The following DMBT1 variants were observed in gnomAD, a reference collection of about 807,000 sequenced individuals.
DMBT1 encodes scavenger receptor cysteine-rich domain-containing protein DMBT1.
DMBT1 carries 198 observed loss-of-function variants against 252.9 expected under a neutral mutation model. The observed-to-expected ratio is 0.78, with a 90% CI of 0.70 to 0.88. DMBT1 has a LOEUF of 0.88. DMBT1 is among the 40% of genes least tolerant of loss of function. DMBT1 has a pLI of 0.00. For missense variants in DMBT1, 2,432 were observed against 2,404.7 expected (o/e 1.01, Z -0.24); for synonymous variants, 990 against 942.7 (o/e 1.05, Z -0.92).
At chr10:122,628,550 C>T (rs573420176) in intron 46 of DMBT1, among the ~76,000 whole-genome samples, 4 of 152,232 alleles carry the variant, frequency 2.6e-5, no homozygotes, top group East Asian at 3.9e-4. Flanking sequence ...GCAGGAGAAT[C>T]GCTTGAACCC....
chr10:122,622,274 T>C (rs1591494687), intron 44 of DMBT1, among the ~76,000 whole-genome samples: 2 of 152,334 alleles, frequency 1.3e-5, no homozygotes, highest in Admixed American at 6.5e-5. Context: ...GGCCGCTCCC[T>C]ACCTCAATCA....
At chr10:122,580,202 G>A (rs1021592879) in intron 10 of DMBT1, among the ~76,000 whole-genome samples, 2 of 152,152 alleles carry the variant, frequency 1.3e-5, no homozygotes, top group East Asian at 1.9e-4. Flanking sequence ...TGAGTAGCAC[G>A]GTGTGAGGGT....
intron 2 of DMBT1, among the ~76,000 whole-genome samples, chr10:122,569,024 A>G (rs1223663433): frequency 4.6e-5 from 7 of 152,192 alleles, no homozygotes; most frequent in South Asian, 4.1e-4. Flanking sequence ...GCAGTAAGTC[A>G]TGTCTTAATT....
chr10:122,631,046 G>A lies in DMBT1; in HGVS notation c.6111G>A (p.Gly2037=), dbSNP rs2098160969. The change falls in exon 49 of 56, where the codon GGG becomes GGA. Residue 2037 remains glycine (G), a synonymous_variant. Coordinates refer to ENST00000338354, the MANE Select transcript of DMBT1 (RefSeq NM_001377530.1). ...AAATTTACCATGGTGGCACCTGGGG[G>A]ACAGTTTGTGATGACTCCTGGACCA... ...RVEIYHGGTW[G]TVCDDSWTIQ... 3.1e-6 allele frequency: 5 copies of A among 1,613,670 alleles called. No individual in the cohort carries two copies. In the African/African-American group the frequency reaches 4.0e-5, roughly 13 times the overall value.
Position 122,598,999 on chromosome 10 carries a change from G to A in DMBT1, c.3182G>A (p.Arg1061His), listed in dbSNP as rs773151482. The change falls in exon 26 of 56, where the codon CGC becomes CAC. Residue 1061 changes from arginine (R) to histidine (H), a missense_variant. By Grantham distance (29) the Arg-to-His change is conservative (BLOSUM62 0). This residue lies in a region of DMBT1 where 1,264 missense variants were observed against 1,082.2 expected (regional missense o/e 1.17). Transcript: ENST00000338354. ...GSGPIVLDDV[R>H]CSGHESYLWS... ...GGACCCATTGTCCTGGATGATGTGC[G>A]CTGCTCAGGACACGAGTCTTACCTG... The A allele has an allele frequency of 1.1e-5, 18 of 1,613,626 alleles. No homozygotes were observed. The South Asian group carries it at 1.2e-4, about 11-fold the overall frequency.
intron 26 of DMBT1, 149 bp downstream of exon 26, chr10:122,599,246 T>G (rs1002761305): frequency 2.7e-6 from 4 of 1,454,692 alleles, no homozygotes; most frequent in Non-Finnish European, 1.8e-6. Flanking sequence ...AGAATCCCTA[T>G]GTACTCACTG....
chr10:122,563,391 T>G lies in DMBT1; in HGVS notation c.61+2560T>G, dbSNP rs529044639. 2.0e-5 allele frequency among the ~76,000 whole-genome samples: 3 copies of G among 152,306 alleles called. No individual in the cohort carries two copies. The East Asian group carries it at 5.8e-4, about 29-fold the overall frequency. On this transcript the variant is annotated intron_variant, in intron 1 of 55. Coordinates refer to ENST00000338354, the MANE Select transcript of DMBT1 (RefSeq NM_001377530.1). ...TCCAAAAGCAGCTTCCTAAAAGTAA[T>G]GTGAGCTCTTGGATTGGATCCTGCA...
intron 25 of DMBT1, 29 bp from the exon 26 acceptor site, chr10:122,598,745 G>A: frequency 6.2e-7 from 1 of 1,612,446 alleles, no homozygotes; most frequent in Non-Finnish European, 8.5e-7. Context: ...TGATAGGGAT[G>A]GATGAAGGAT....
Position 122,643,350 on chromosome 10 carries a change from T to C in DMBT1, c.7581T>C (p.Gly2527=). ...AGGAAAAGGTGGACGTCGTCCTGGGTCCCATCCAGCTGCAGACCCCCCCAC... is the reference window on the plus strand; with the variant it reads ...AGGAAAAGGTGGACGTCGTCCTGGGCCCCATCCAGCTGCAGACCCCCCCAC... ...SYQEKVDVVL[G]PIQLQTPPRR... The change falls in exon 56 of 56, where the codon GGT becomes GGC. Residue 2527 remains glycine (G), a synonymous_variant. Transcript: ENST00000338354. The C allele has an allele frequency of 6.2e-7, 1 of 1,613,776 alleles. No homozygotes were observed. The highest frequency in any genetic ancestry group is 8.5e-7 in the Non-Finnish European group (1 of 1,179,842).
Position 122,579,703 on chromosome 10 carries a change from A to G in DMBT1, c.805A>G (p.Asn269Asp). 6.2e-7 allele frequency: 1 copy of G among 1,613,882 alleles called. No homozygotes were observed. The highest frequency in any genetic ancestry group is 8.5e-7 in the Non-Finnish European group (1 of 1,179,814). ...TGACTACTGGGACACCAATGATGCCAATGTGGTCTGCAGGCAGCTGGGCTG... is the reference window on the plus strand; with the variant it reads ...TGACTACTGGGACACCAATGATGCCGATGTGGTCTGCAGGCAGCTGGGCTG... ...CDDYWDTNDA[N>D]VVCRQLGCGW... Residue 269 changes from asparagine to aspartate, a missense_variant, in exon 10 of 56, where the codon AAT becomes GAT. Coordinates refer to ENST00000338354, the MANE Select transcript of DMBT1 (RefSeq NM_001377530.1).
rs752757485 is a variant in DMBT1, at chr10:122,636,183, C to G, written c.6741C>G (p.Pro2247=). Reference sequence around the variant, plus strand: ...TCCGGGCTGAGTACTACTCCAGTCCCTCCAATGACAGCACCAGTAAGTCCC... The same window carrying G: ...TCCGGGCTGAGTACTACTCCAGTCCGTCCAATGACAGCACCAGTAAGTCCC... ...RGFRAEYYSS[P]SNDSTNLLCL... Residue 2247 remains proline (P), a synonymous_variant, in exon 53 of 56, where the codon CCC becomes CCG. Coordinates refer to ENST00000338354, the MANE Select transcript of DMBT1 (RefSeq NM_001377530.1). 1 of 1,613,576 alleles carries G rather than the reference C, an allele frequency of 6.2e-7. No individual in the cohort carries two copies. The highest frequency in any genetic ancestry group is 1.7e-5 in the Admixed American group (1 of 60,004).
chr10:122,620,367 T>G (rs757097854), intron 43 of DMBT1, 76 bp downstream of exon 43: 1 of 1,549,226 alleles, frequency 6.5e-7, no homozygotes, highest in Admixed American at 1.7e-5. Context: ...AATGAAAGAA[T>G]GAGGCTCAAG....
At chr10:122,562,324 C>A (rs7096126) in intron 1 of DMBT1, among the ~76,000 whole-genome samples, 101,852 of 151,930 alleles carry the variant, frequency 0.67, 34,506 homozygotes, top group East Asian at 0.77. Context: ...GTGGGGGAAG[C>A]TTTGAAGATT....
At chr10:122,617,298 C>A (rs745628917) in intron 40 of DMBT1, 38 bp downstream of exon 40, 1 of 1,598,606 alleles carries the variant, frequency 6.3e-7, no homozygotes, top group Non-Finnish European at 8.5e-7. Flanking sequence ...GGCTCACTAT[C>A]TCTGGACATA....
rs1355125635 is a variant in DMBT1, at chr10:122,593,591, C to G, written c.2523C>G (p.Pro841=). 6 of 1,587,764 alleles carry G rather than the reference C, an allele frequency of 3.8e-6. No individual in the cohort carries two copies. In the Admixed American group the frequency reaches 5.0e-5, roughly 13 times the overall value. ...CAGTTTCCCAGTCCCGGCCGACACC[C>G]AGTCCAGGTAGGTCCCCAGTGTCCT... ...ICSVSQSRPT[P]SPDTWPTSHA... The change falls in exon 21 of 56, where the codon CCC becomes CCG. Residue 841 remains proline (P), a synonymous_variant. Coordinates refer to ENST00000338354, the MANE Select transcript of DMBT1 (RefSeq NM_001377530.1).
chr10:122,592,310 A>G lies in DMBT1; in HGVS notation c.2215A>G (p.Ser739Gly), dbSNP rs190617825. 3.8e-6 allele frequency: 6 copies of G among 1,587,488 alleles called. No individual in the cohort carries two copies. The highest frequency in any genetic ancestry group is 2.7e-5 in the African/African-American group (2 of 74,472). Residue 739 changes from serine (S) to glycine (G), a missense_variant, in exon 20 of 56, where the codon AGT becomes GGT. Transcript: ENST00000338354. Reference sequence around the variant, plus strand: ...TTTGACCCTGAGGCTGGTGAATGGAAGTGACAGGTGTCAGGGCCGAGTAGA... The same window carrying G: ...TTTGACCCTGAGGCTGGTGAATGGAGGTGACAGGTGTCAGGGCCGAGTAGA... ...SSLTLRLVNG[S>G]DRCQGRVEVL...
In DMBT1 at chr10:122,630,485, C is replaced by A. The variant is rs2098153432; in HGVS notation, c.6020C>A (p.Pro2007Gln). ...TGFLAWYNSF[P>Q]SDATLRLVNL... ...TTTTTGGCTTGGTATAACTCCTTCC[C>A]AAGCGGTAAGTGCACACTAGACCAT... The change falls in exon 48 of 56, where the codon CCA (proline) becomes CAA (glutamine). Residue 2007 changes from proline (P) to glutamine (Q), a missense_variant. By Grantham distance (76) the Pro-to-Gln change is moderately conservative. Coordinates refer to ENST00000338354, the MANE Select transcript of DMBT1 (RefSeq NM_001377530.1). 1 of 1,613,822 alleles carries A rather than the reference C, an allele frequency of 6.2e-7. No homozygotes were observed. The highest frequency in any genetic ancestry group is 1.3e-5 in the African/African-American group (1 of 74,932).
At chr10:122,617,700 A>T (rs535327188) in intron 40 of DMBT1, among the ~76,000 whole-genome samples, 1 of 151,802 alleles carries the variant, frequency 6.6e-6, no homozygotes, top group South Asian at 2.1e-4. Flanking sequence ...ACATGGGGCC[A>T]GCATGGGCCT....
intron 21 of DMBT1, 51 bp downstream of exon 21, chr10:122,593,649 C>T (rs2097872372): frequency 6.5e-7 from 1 of 1,530,160 alleles, no homozygotes; most frequent in Non-Finnish European, 8.9e-7. Context: ...TCTGCCCAAT[C>T]ACCCCTTCCA....
Sources: gnomAD v4.1 joint callset for allele counts (sites outside exome capture counted in the v4.1 genomes callset) on GRCh38, gnomAD v4.1.1 for gene constraint, gnomAD v4.1.1 regional missense constraint, MANE v1.5 for transcripts, NCBI Gene and HGNC (gene_info 2026-07-23, HGNC 2026-07-21) for gene names.